The following CNTN5 variants were observed in gnomAD, a reference collection of about 807,000 sequenced individuals.
The protein encoded by CNTN5 is contactin 5.
CNTN5 carries 77 observed loss-of-function variants against 129.1 expected under a neutral mutation model. The observed-to-expected ratio is 0.60, with a 90% CI of 0.50 to 0.72. The LOEUF (loss-of-function observed/expected upper bound fraction) is 0.72, where lower values mean the gene tolerates loss of function less well. CNTN5 is among the 30% of genes least tolerant of loss of function. The probability of loss-of-function intolerance (pLI) is 0.00; values close to 1 mark genes in which losing one functional copy is unlikely to be tolerated. For synonymous variants in CNTN5, 509 were observed against 465.6 expected (o/e 1.09, Z -1.20); for missense variants, 1,478 against 1,328.8 (o/e 1.11, Z -1.75).
intron 2 of CNTN5, among the ~76,000 whole-genome samples, chr11:99,333,024 A>T (rs189567093): frequency 1.3e-5 from 2 of 152,050 alleles, no homozygotes; most frequent in African/African-American, 2.4e-5. Flanking sequence ...TGATAATTTC[A>T]TGTGTGAAAA....
At chr11:99,234,706 T>G in intron 1 of CNTN5, among the ~76,000 whole-genome samples, 1 of 152,050 alleles carries the variant, frequency 6.6e-6, no homozygotes, top group Middle Eastern at 3.4e-3. Context: ...TGTAGATATT[T>G]ATTTAAAAAT....
intron 18 of CNTN5, among the ~76,000 whole-genome samples, chr11:100,285,805 C>G (rs927718297): frequency 3.2e-4 from 49 of 152,166 alleles, no homozygotes; most frequent in Non-Finnish European, 2.9e-4. Flanking sequence ...GCGTGAGCGA[C>G]GCAGAAGACG....
chr11:99,869,526 A>T (rs865813445), intron 6 of CNTN5, among the ~76,000 whole-genome samples: 44 of 152,306 alleles, frequency 2.9e-4, no homozygotes, highest in African/African-American at 9.1e-4. Context: ...CTCTTCAACT[A>T]TCCACTGCCT....
intron 2 of CNTN5, among the ~76,000 whole-genome samples, chr11:99,396,476 C>A (rs1941530252): frequency 6.6e-6 from 1 of 150,938 alleles, no homozygotes; most frequent in South Asian, 2.1e-4. Flanking sequence ...TTTTATAAAC[C>A]CCAGTCAGTA....
chr11:99,891,592 G>C (rs533997479), intron 6 of CNTN5, among the ~76,000 whole-genome samples: 1 of 152,058 alleles, frequency 6.6e-6, no homozygotes, highest in African/African-American at 2.4e-5. Context: ...TTGGTTTTCT[G>C]TTCTTGTGTT....
At chr11:99,999,240 T>A (rs1164485864) in intron 8 of CNTN5, among the ~76,000 whole-genome samples, 1 of 151,468 alleles carries the variant, frequency 6.6e-6, no homozygotes, top group African/African-American at 2.4e-5. Flanking sequence ...TGGGAGAAAA[T>A]TTTCACAACC....
At chr11:100,222,757 C>A (rs1274417570) in intron 15 of CNTN5, among the ~76,000 whole-genome samples, 1 of 151,944 alleles carries the variant, frequency 6.6e-6, no homozygotes, top group Non-Finnish European at 1.5e-5. Context: ...ATTTGTGAGG[C>A]CTCACCTTAG....
chr11:99,864,834 T>C (rs529579656), intron 6 of CNTN5, among the ~76,000 whole-genome samples: 152 of 152,324 alleles, frequency 1.0e-3, no homozygotes, highest in African/African-American at 3.4e-3. Flanking sequence ...TACATGAAAG[T>C]GTACATTCTT....
chr11:99,380,591 G>A (rs903174050), intron 2 of CNTN5, among the ~76,000 whole-genome samples: 8 of 151,868 alleles, frequency 5.3e-5, no homozygotes, highest in Admixed American at 4.6e-4. Context: ...CCCACATGGT[G>A]AGACCCTGTC....
chr11:100,194,513 G>C (rs1948583307), intron 15 of CNTN5, among the ~76,000 whole-genome samples: 1 of 151,514 alleles, frequency 6.6e-6, no homozygotes, highest in African/African-American at 2.4e-5. Context: ...GAAACACTTT[G>C]AGAAGCATTG....
chr11:99,023,807 T>G (rs1862992589), intron 1 of CNTN5, among the ~76,000 whole-genome samples: 1 of 152,226 alleles, frequency 6.6e-6, no homozygotes, highest in African/African-American at 2.4e-5. Flanking sequence ...CGTTGGAAAT[T>G]TATTTCTCTT....
intron 1 of CNTN5, among the ~76,000 whole-genome samples, chr11:99,256,717 A>G (rs931834291): frequency 5.3e-5 from 8 of 152,086 alleles, no homozygotes; most frequent in Admixed American, 3.3e-4. Context: ...GGTACAGCAT[A>G]TAAAATAAAA....
At chr11:99,676,684 C>T (rs1238633464) in intron 3 of CNTN5, among the ~76,000 whole-genome samples, 2 of 152,054 alleles carry the variant, frequency 1.3e-5, no homozygotes, top group African/African-American at 2.4e-5. Context: ...TGTAACAAAC[C>T]TGCACGTTGT....
intron 1 of CNTN5, among the ~76,000 whole-genome samples, chr11:99,289,699 T>G (rs563713847): frequency 8.6e-5 from 13 of 151,956 alleles, no homozygotes; most frequent in Admixed American, 7.2e-4. Flanking sequence ...TCCTGACATA[T>G]GCTTCTCAAA....
At chr11:99,223,442 A>C (rs1476324241) in intron 1 of CNTN5, among the ~76,000 whole-genome samples, 2 of 152,208 alleles carry the variant, frequency 1.3e-5, no homozygotes, top group African/African-American at 4.8e-5. Context: ...GTAGGGTTCT[A>C]ATCAATTGTG....
chr11:99,948,713 A>G (rs1214919482), intron 7 of CNTN5, among the ~76,000 whole-genome samples: 1 of 152,224 alleles, frequency 6.6e-6, no homozygotes, highest in East Asian at 1.9e-4. Flanking sequence ...ATGAGAATTA[A>G]ATGAATTAAT....
chr11:100,202,917 C>T (rs925848894), intron 15 of CNTN5, among the ~76,000 whole-genome samples: 3 of 151,880 alleles, frequency 2.0e-5, no homozygotes, highest in Non-Finnish European at 4.4e-5. Flanking sequence ...AACGATGTTC[C>T]AAATCTGATT....
At chr11:99,082,420 T>C (rs1371131869) in intron 1 of CNTN5, among the ~76,000 whole-genome samples, 1 of 152,108 alleles carries the variant, frequency 6.6e-6, no homozygotes, top group East Asian at 1.9e-4. Flanking sequence ...CTTGACCTCG[T>C]GATCCGCCCG....
chr11:99,475,765 G>A lies in CNTN5; in HGVS notation c.-70-80380G>A, dbSNP rs1211439438. On this transcript the variant is annotated intron_variant, in intron 2 of 24. Transcript: ENST00000524871. Reference sequence around the variant, plus strand: ...TCTAATAATTTTTAAAATAATAAATGGAAGAGTTTTGTCTAATGCTTTTTT... The same window carrying A: ...TCTAATAATTTTTAAAATAATAAATAGAAGAGTTTTGTCTAATGCTTTTTT... Among the ~76,000 whole-genome samples, 11 of 151,868 alleles carry A rather than the reference G, an allele frequency of 7.2e-5. No individual in the cohort carries two copies. The East Asian group carries it at 2.1e-3, about 29-fold the overall frequency.
Sources: gnomAD v4.1 joint callset for allele counts (sites outside exome capture counted in the v4.1 genomes callset) on GRCh38, gnomAD v4.1.1 for gene constraint, MANE v1.5 for transcripts, NCBI Gene and HGNC (gene_info 2026-07-23, HGNC 2026-07-21) for gene names.